The following CNTNAP5 variants were observed in gnomAD, a reference collection of about 807,000 sequenced individuals.
The protein encoded by CNTNAP5 is contactin associated protein family member 5.
A neutral mutation model predicts 150.2 loss-of-function variants in CNTNAP5; 72 were observed. That is an observed-to-expected ratio of 0.48 (90% CI 0.40 to 0.58). The LOEUF is 0.58. Among genes scored for constraint, CNTNAP5 ranks in the 20% least tolerant of loss-of-function variants. The pLI is 0.00. For missense variants in CNTNAP5, 1,636 were observed against 1,626.2 expected (o/e 1.01, Z -0.10); for synonymous variants, 672 against 619.8 (o/e 1.08, Z -1.25).
chr2:124,361,991 G>T (rs1198952917), intron 3 of CNTNAP5, among the ~76,000 whole-genome samples: 3 of 152,224 alleles, frequency 2.0e-5, no homozygotes, highest in African/African-American at 7.2e-5. Context: ...TCTGAGCCAG[G>T]TGCGGGATAT....
At chr2:124,085,863 G>T (rs950814848) in intron 1 of CNTNAP5, among the ~76,000 whole-genome samples, 1 of 152,078 alleles carries the variant, frequency 6.6e-6, no homozygotes, top group South Asian at 2.1e-4. Flanking sequence ...AATAATACAC[G>T]CTACTTGATT....
At chr2:124,485,762 A>G (rs1319957877) in intron 7 of CNTNAP5, among the ~76,000 whole-genome samples, 1 of 152,102 alleles carries the variant, frequency 6.6e-6, no homozygotes, top group Admixed American at 6.6e-5. Flanking sequence ...TCAACCATGC[A>G]GATTCCCTGG....
intron 1 of CNTNAP5, among the ~76,000 whole-genome samples, chr2:124,089,201 C>T (rs1682762924): frequency 6.6e-6 from 1 of 152,088 alleles, no homozygotes; most frequent in Admixed American, 6.6e-5. Context: ...CCAGGATTCT[C>T]CATTGTAATT....
intron 1 of CNTNAP5, among the ~76,000 whole-genome samples, chr2:124,062,734 G>A (rs1682045152): frequency 6.6e-6 from 1 of 152,168 alleles, no homozygotes; most frequent in Admixed American, 6.6e-5. Flanking sequence ...AGTTGTCTGT[G>A]TGGGGAAATC....
chr2:124,434,351 T>G, intron 4 of CNTNAP5, 133 bp from the exon 5 acceptor site: 1 of 697,080 alleles, frequency 1.4e-6, no homozygotes, highest in Non-Finnish European at 2.5e-6. Flanking sequence ...GTCTACATGT[T>G]TCCTGTTGAG....
chr2:124,795,444 G>T (rs1008468455), intron 18 of CNTNAP5, among the ~76,000 whole-genome samples: 4 of 152,138 alleles, frequency 2.6e-5, no homozygotes, highest in Admixed American at 6.5e-5. Flanking sequence ...TATTGTCTCT[G>T]TCGCTAACAC....
At chr2:124,036,506 G>A (rs563923135) in intron 1 of CNTNAP5, among the ~76,000 whole-genome samples, 2 of 151,890 alleles carry the variant, frequency 1.3e-5, no homozygotes, top group African/African-American at 4.8e-5. Context: ...ACAGTAATGG[G>A]GTCAACCAGG....
At chr2:124,235,298 C>T (rs982643936) in intron 2 of CNTNAP5, among the ~76,000 whole-genome samples, 1 of 152,092 alleles carries the variant, frequency 6.6e-6, no homozygotes, top group African/African-American at 2.4e-5. Flanking sequence ...GGGGATAGTT[C>T]TAGTTGTCAT....
intron 19 of CNTNAP5, among the ~76,000 whole-genome samples, chr2:124,821,647 T>C (rs1001902302): frequency 6.6e-6 from 1 of 152,108 alleles, no homozygotes; most frequent in Non-Finnish European, 1.5e-5. Flanking sequence ...GCGACTTCAG[T>C]GAATTGGTTC....
At chr2:124,491,952 TTTTG>T (rs1390706431) in intron 7 of CNTNAP5, among the ~76,000 whole-genome samples, 7 of 152,112 alleles carry the variant, frequency 4.6e-5, no homozygotes, top group Admixed American at 3.9e-4. Context: ...TATTTGGGTT[TTTTG>T]TTTGTTTGTT....
chr2:124,082,601 A>G (rs978882476), intron 1 of CNTNAP5, among the ~76,000 whole-genome samples: 1 of 152,224 alleles, frequency 6.6e-6, no homozygotes, highest in Non-Finnish European at 1.5e-5. Flanking sequence ...CATTACAAAC[A>G]AGACTGTGAA....
rs764158287 is a variant in CNTNAP5 at position 124,869,712 on chromosome 2, C to T, written c.3386C>T (p.Pro1129Leu). ...QQLRLSYNFSPEVEFRVIRSL... is the reference protein window; with the variant it reads ...QQLRLSYNFSLEVEFRVIRSL... ...CTTCGACTCAGTTATAACTTCTCTC[C>T]GGAAGTAGAGTTCAGGGTTATAAGG... Residue 1129 changes from proline to leucine, a missense_variant, in exon 21 of 24, where the codon CCG (proline) becomes CTG (leucine). Coordinates refer to ENST00000682447, the MANE Select transcript of CNTNAP5 (RefSeq NM_001367498.1). 3.7e-5 allele frequency: 60 copies of T among 1,611,686 alleles called. No homozygotes were observed. Among genetic ancestry groups the T allele is most frequent in the East Asian group, 1.6e-4 (7 of 44,716 alleles).
intron 9 of CNTNAP5, among the ~76,000 whole-genome samples, chr2:124,525,094 A>C (rs1181253652): frequency 6.6e-6 from 1 of 152,230 alleles, no homozygotes; most frequent in African/African-American, 2.4e-5. Flanking sequence ...GGGCAAGCTG[A>C]TGGTGAAGAA....
At chr2:124,459,739 C>T (rs1693203846) in intron 6 of CNTNAP5, among the ~76,000 whole-genome samples, 1 of 110,614 alleles carries the variant, frequency 9.0e-6, no homozygotes, top group Non-Finnish European at 1.8e-5. Context: ...GCCTGGGCAA[C>T]AAGAGTGAAA....
At chr2:124,551,401 T>C (rs1300599320) in intron 10 of CNTNAP5, among the ~76,000 whole-genome samples, 1 of 152,130 alleles carries the variant, frequency 6.6e-6, no homozygotes, top group East Asian at 1.9e-4. Context: ...GGGATTATGA[T>C]AATTGTTAGA....
Position 124,904,053 on chromosome 2 carries a change from CAAAAAAAAAAACA to C in CNTNAP5, c.3655+965_3655+977del, listed in dbSNP as rs1270575543. 1.7e-3 allele frequency among the ~76,000 whole-genome samples: 155 copies of C among 88,632 alleles called. 1 individual carries two copies. Among genetic ancestry groups the C allele is most frequent in the South Asian group, 5.1e-3 (12 of 2,366 alleles). The allele number at this position is 88,632 out of a possible 152,430, so 58.1% of individuals were successfully genotyped here. On this transcript the variant is annotated intron_variant, in intron 22 of 23. Transcript: ENST00000682447. Reference sequence around the variant, plus strand: ...TGGGGTATAGAGTGAGACTCTGTTTCAAAAAAAAAAACAAAAAAAAAAAAACCAAAATGTATCA... The same window carrying C: ...TGGGGTATAGAGTGAGACTCTGTTTCAAAAAAAAAAAACCAAAATGTATCA...
chr2:124,584,625 C>T (rs1696488070), intron 11 of CNTNAP5, among the ~76,000 whole-genome samples: 1 of 152,186 alleles, frequency 6.6e-6, no homozygotes, highest in East Asian at 1.9e-4. Flanking sequence ...AGAAAGACCA[C>T]TCTTTAATGG....
chr2:124,403,567 G>A (rs1558885386), intron 3 of CNTNAP5, among the ~76,000 whole-genome samples: 1 of 152,124 alleles, frequency 6.6e-6, no homozygotes, highest in Non-Finnish European at 1.5e-5. Flanking sequence ...ACACATATTT[G>A]GCTTGGGTTA....
rs1476649599 is a variant in CNTNAP5 at position 124,656,020 on chromosome 2, A to AAGGG, written c.2077+8067_2077+8070dup. On this transcript the variant is annotated intron_variant, in intron 13 of 23. Coordinates refer to ENST00000682447, the MANE Select transcript of CNTNAP5 (RefSeq NM_001367498.1). ...GAAAAAAGGAAGGAAGGAAGGAAGG[A>AAGGG]AGGGAGGGCACACCTTGGTGACAGA... Among the ~76,000 whole-genome samples the AAGGG allele has an allele frequency of 2.4e-3, 353 of 146,330 alleles. 2 individuals are homozygous for AAGGG. The highest frequency in any genetic ancestry group is 3.9e-3 in the Non-Finnish European group (258 of 66,160).
Sources: gnomAD v4.1 joint callset for allele counts (sites outside exome capture counted in the v4.1 genomes callset) on GRCh38, gnomAD v4.1.1 for gene constraint, MANE v1.5 for transcripts, NCBI Gene and HGNC (gene_info 2026-07-23, HGNC 2026-07-21) for gene names.